COL19A1: variants seen among roughly 807,000 people sequenced by gnomAD.
COL19A1 encodes collagen type XIX alpha 1 chain.
Under a neutral mutation model 190.2 loss-of-function variants are expected in COL19A1, and 159 were observed. The ratio of observed to expected loss-of-function variants is 0.84; its 90% CI spans 0.73 to 0.95. The LOEUF (loss-of-function observed/expected upper bound fraction) is 0.95. Among genes scored for constraint, COL19A1 ranks in the 40% least tolerant of loss-of-function variants. The pLI, the probability that COL19A1 is intolerant of heterozygous loss-of-function variation, is 0.00. For missense variants in COL19A1, 1,418 were observed against 1,431.9 expected (o/e 0.99, Z 0.16); for synonymous variants, 509 against 458.9 (o/e 1.11, Z -1.39).
chr6:70,058,699 C>A (rs1468429888), intron 14 of COL19A1, among the ~76,000 whole-genome samples: 2 of 151,826 alleles, frequency 1.3e-5, no homozygotes, highest in African/African-American at 4.8e-5. Context: ...GCTGGTCACC[C>A]TCTAATTTAT....
intron 4 of COL19A1, among the ~76,000 whole-genome samples, chr6:69,921,596 G>A (rs1056902278): frequency 1.5e-5 from 2 of 136,066 alleles, no homozygotes; most frequent in South Asian, 4.7e-4. Context: ...ACATAGATTC[G>A]TATATGTATA....
At chr6:70,197,145 T>G (rs9360412) in intron 48 of COL19A1, among the ~76,000 whole-genome samples, 53,581 of 151,634 alleles carry the variant, frequency 0.35, 9,723 homozygotes, top group Middle Eastern at 0.46. Flanking sequence ...TTGTGACCGG[T>G]CTCAGTGGCT....
chr6:69,948,136 A>G (rs1422785057), intron 9 of COL19A1, among the ~76,000 whole-genome samples: 1 of 151,900 alleles, frequency 6.6e-6, no homozygotes, highest in African/African-American at 2.4e-5. Flanking sequence ...AAAATGCATC[A>G]CAATAATCTG....
intron 4 of COL19A1, among the ~76,000 whole-genome samples, chr6:69,920,072 G>T (rs1429645046): frequency 6.6e-6 from 1 of 152,040 alleles, no homozygotes; most frequent in African/African-American, 2.4e-5. Context: ...TTAAAAACCT[G>T]ATCATCAGCA....
At chr6:70,085,487 G>A (rs530903638) in intron 15 of COL19A1, among the ~76,000 whole-genome samples, 1 of 152,280 alleles carries the variant, frequency 6.6e-6, no homozygotes, top group East Asian at 1.9e-4. Flanking sequence ...TTTCTTTAAA[G>A]TGTTTGTACT....
At position 70,195,061 on chromosome 6, in the gene COL19A1, C is replaced by CT. The variant is rs537150266; in HGVS notation, c.3095-4546dup. On this transcript the variant is annotated intron_variant, in intron 48 of 50. Coordinates refer to ENST00000620364, the MANE Select transcript of COL19A1 (RefSeq NM_001858.6). ...AACATCTTTTCTTACCTCTCTACAA[C>CT]TAAGATATTAATTTTTATGTATGTA... Among the ~76,000 whole-genome samples, 177 of 147,842 alleles carry CT rather than the reference C, an allele frequency of 1.2e-3. No individual in the cohort carries two copies. In the Middle Eastern group the frequency reaches 0.018, roughly 15 times the overall value.
intron 14 of COL19A1, among the ~76,000 whole-genome samples, chr6:70,056,449 A>G (rs1425709519): frequency 6.6e-6 from 1 of 152,176 alleles, no homozygotes; most frequent in African/African-American, 2.4e-5. Flanking sequence ...TTCATTCAAG[A>G]AAGCAGAAGG....
intron 26 of COL19A1, 30 bp downstream of exon 26, chr6:70,146,733 G>A (rs1365115301): frequency 4.4e-6 from 7 of 1,597,466 alleles, no homozygotes; most frequent in Non-Finnish European, 6.0e-6. Flanking sequence ...AATTTTTAAG[G>A]AATGAATAAT....
At chr6:70,200,908 G>A (rs76515493) in intron 49 of COL19A1, among the ~76,000 whole-genome samples, 12,542 of 152,040 alleles carry the variant, frequency 0.082, 707 homozygotes, top group Non-Finnish European at 0.12. Flanking sequence ...TTTTTTAAAC[G>A]ATACATATAT....
rs192475215 is a variant in COL19A1, at chr6:70,121,672, G to T, written c.1279-208G>T. Among the ~76,000 whole-genome samples the T allele has an allele frequency of 1.7e-4, 26 of 152,178 alleles. 1 individual carries two copies. In the East Asian group the frequency reaches 4.4e-3, roughly 26 times the overall value. On this transcript the variant is annotated intron_variant, in intron 16 of 50. Transcript: ENST00000620364. ...TGCTCCCACTTAGGACCTCTTTTTG[G>T]ATTCATGCAGGATTTAACCTAGAAA...
chr6:70,098,995 G>A (rs1783459155), intron 15 of COL19A1, among the ~76,000 whole-genome samples: 1 of 147,734 alleles, frequency 6.8e-6, no homozygotes, highest in Admixed American at 6.9e-5. Context: ...GCCAGAGCCG[G>A]AGAATCACTT....
intron 17 of COL19A1, among the ~76,000 whole-genome samples, chr6:70,128,260 T>G (rs554192981): frequency 6.6e-6 from 1 of 152,242 alleles, no homozygotes; most frequent in East Asian, 1.9e-4. Context: ...GGTCTAAAAC[T>G]CAGAAGGGAA....
At chr6:70,151,841 T>C (rs1287718594) in intron 31 of COL19A1, among the ~76,000 whole-genome samples, 1 of 152,118 alleles carries the variant, frequency 6.6e-6, no homozygotes, top group African/African-American at 2.4e-5. Context: ...ATATCTGGCC[T>C]GGTCAGTCCC....
chr6:70,025,889 G>A (rs1190779707), intron 12 of COL19A1, among the ~76,000 whole-genome samples: 1 of 152,158 alleles, frequency 6.6e-6, no homozygotes, highest in Non-Finnish European at 1.5e-5. Context: ...ATATGATTTG[G>A]CACTTGATTG....
At chr6:70,028,464 G>A (rs1778847009) in intron 12 of COL19A1, among the ~76,000 whole-genome samples, 1 of 152,132 alleles carries the variant, frequency 6.6e-6, no homozygotes, top group African/African-American at 2.4e-5. Flanking sequence ...GTCTGTCTGG[G>A]CATCGTGACA....
At chr6:70,044,143 C>T (rs1779781577) in intron 14 of COL19A1, among the ~76,000 whole-genome samples, 1 of 152,192 alleles carries the variant, frequency 6.6e-6, no homozygotes, top group East Asian at 1.9e-4. Flanking sequence ...TCTGCAGCTT[C>T]CTCACCTCTC....
chr6:70,202,177 GAC>G (rs1376460415), intron 49 of COL19A1, among the ~76,000 whole-genome samples: 2 of 152,182 alleles, frequency 1.3e-5, no homozygotes, highest in African/African-American at 2.4e-5. Flanking sequence ...TTCTGAATGT[GAC>G]ACAGTGTGTT....
intron 4 of COL19A1, among the ~76,000 whole-genome samples, chr6:69,919,602 C>A (rs1409497944): frequency 6.6e-6 from 1 of 151,960 alleles, no homozygotes; most frequent in East Asian, 1.9e-4. Context: ...AGGAAAAAAT[C>A]TAGAGAATGA....
chr6:69,949,883 G>A (rs1048070036), intron 9 of COL19A1, among the ~76,000 whole-genome samples: 1 of 151,756 alleles, frequency 6.6e-6, no homozygotes, highest in African/African-American at 2.4e-5. Flanking sequence ...TTCACTTGGA[G>A]CAAAAACATA....
Sources: gnomAD v4.1 joint callset for allele counts (sites outside exome capture counted in the v4.1 genomes callset) on GRCh38, gnomAD v4.1.1 for gene constraint, MANE v1.5 for transcripts, NCBI Gene and HGNC (gene_info 2026-07-23, HGNC 2026-07-21) for gene names.